AGAP2: variants seen among roughly 807,000 people sequenced by gnomAD.
The protein encoded by AGAP2 is arf-GAP with GTPase, ANK repeat and PH domain-containing protein 2.
AGAP2 carries 32 observed loss-of-function variants against 110.9 expected under a neutral mutation model. That is an observed-to-expected ratio of 0.29 (90% confidence interval 0.22 to 0.39). AGAP2 has a LOEUF of 0.39. AGAP2 is among the 10% of genes least tolerant of loss of function. The pLI is 1.00. For missense variants in AGAP2, 1,285 were observed against 1,638.5 expected (o/e 0.78, Z 3.72); for synonymous variants, 702 against 713.0 (o/e 0.98, Z 0.25).
intron 1 of AGAP2, among the ~76,000 whole-genome samples, chr12:57,736,351 G>A (rs568376170): frequency 6.6e-6 from 1 of 152,230 alleles, no homozygotes; most frequent in East Asian, 1.9e-4. Flanking sequence ...TACCTTCCCC[G>A]TACCGCCTCC....
chr12:57,725,154 A>G (rs1451016584), downstream of AGAP2: 1 of 152,916 alleles, frequency 6.5e-6, no homozygotes, highest in African/African-American at 2.4e-5. Context: ...GACCAAGGCC[A>G]TGCCCTGACC....
rs527263022 is a variant in AGAP2, at chr12:57,731,622, G to A, written c.1974C>T (p.Ser658=). 45 of 1,614,068 alleles carry A rather than the reference G, an allele frequency of 2.8e-5. No homozygotes were observed. The highest frequency in any genetic ancestry group is 2.7e-4 in the East Asian group (12 of 44,874). ...SLFANRRGSD[S]EKRSLDSRGE... ...CCCGACTATCCAAGCTTCGTTTCTC[G>A]GAGTCACTACCCCGACGATTCTGGA... The change falls in exon 9 of 19, where the codon TCC becomes TCT. Residue 658 remains serine (S), a synonymous_variant. Transcript: ENST00000547588.
At chr12:57,731,339 C>T in intron 10 of AGAP2, 27 bp downstream of exon 10, 1 of 1,577,654 alleles carries the variant, frequency 6.3e-7, no homozygotes, top group Non-Finnish European at 8.7e-7. Flanking sequence ...CAAAGCTGGC[C>T]AATGTGGCCC....
rs750932859 is a variant in AGAP2, at chr12:57,732,928, G to T, written c.1601C>A (p.Ala534Asp). 46 of 1,614,006 alleles carry T rather than the reference G, an allele frequency of 2.9e-5. No homozygotes were observed. The highest frequency in any genetic ancestry group is 3.7e-5 in the Non-Finnish European group (44 of 1,180,050). Reference sequence around the variant, plus strand: ...GCAGCGTTTCATGTCCGCGCACAGAGCTCTGGCACGAGCATCTCCCACCAC... The same window carrying T: ...GCAGCGTTTCATGTCCGCGCACAGATCTCTGGCACGAGCATCTCCCACCAC... ...PRVVGDARARALCADMKRCSY... is the reference protein window; with the variant it reads ...PRVVGDARARDLCADMKRCSY... The change falls in exon 6 of 19, where the codon GCT becomes GAT. Residue 534 changes from alanine to aspartate, a missense_variant. Transcript: ENST00000547588.
At chr12:57,742,055 T>G, upstream of AGAP2, 1 of 1,614,140 alleles carries the variant, frequency 6.2e-7, no homozygotes, top group Non-Finnish European at 8.5e-7. Context: ...TACAACGAAC[T>G]GCCTCTGGGC....
At position 57,734,119 on chromosome 12, in the gene AGAP2, T is replaced by C. The variant is rs1954935446; in HGVS notation, c.1456A>G (p.Ser486Gly). Residue 486 changes from serine to glycine, a missense_variant, in exon 5 of 19, where the codon AGT becomes GGT. Ser to Gly is a moderately conservative substitution (Grantham distance 56, BLOSUM62 0). This residue lies in a region of AGAP2 where 844 missense variants were observed against 941.2 expected (regional missense o/e 0.90). Transcript: ENST00000547588. ...TGGAGACGGCTCACAGCCTGGAAAC[T>C]GTTCTCATCCTCCAGGCTGAAGACG... ...IFVFSLEDEN[S>G]FQAVSRLHGQ... The C allele has an allele frequency of 7.4e-6, 12 of 1,613,626 alleles. No individual in the cohort carries two copies. Among genetic ancestry groups the C allele is most frequent in the East Asian group, 2.2e-5 (1 of 44,866 alleles).
rs1404913612 is a variant in AGAP2, at chr12:57,727,691, G to A, written c.2847C>T (p.Cys949=). The A allele has an allele frequency of 6.2e-7, 1 of 1,605,992 alleles. No homozygotes were observed. Among genetic ancestry groups the A allele is most frequent in the Non-Finnish European group, 8.5e-7 (1 of 1,176,308 alleles). Residue 949 remains cysteine (C), a synonymous_variant, in exon 16 of 19, where the codon TGC becomes TGT. Coordinates refer to ENST00000547588, the MANE Select transcript of AGAP2 (RefSeq NM_001122772.3). ...NAKGNSICVD[C]GAPNPTWASL... ...CCTCCTGGCACTCACTGGGGGCCCC[G>A]CAGTCCACGCAGATTGAATTCCCCT...
rs1267679552 is a variant in AGAP2 at position 57,732,698 on chromosome 12, CCTT to C, written c.1684+144_1684+146del. 1.0e-5 allele frequency: 15 copies of C among 1,452,288 alleles called. No homozygotes were observed. The African/African-American group carries it at 1.3e-4, about 12-fold the overall frequency. The allele number at this position is 1,452,288 out of a possible 1,614,324, so 90.0% of individuals were successfully genotyped here. On this transcript the variant is annotated intron_variant, in intron 6 of 18. Transcript: ENST00000547588. ...AAAGACCTTGCGACTATTAAGCAAA[CCTT>C]CTCTGGCCTCCCTGATCTCTCCTCC...
intron 15 of AGAP2, 66 bp from the exon 16 acceptor site, chr12:57,727,837 T>G (rs1780388692): frequency 1.3e-6 from 2 of 1,589,856 alleles, no homozygotes; most frequent in Non-Finnish European, 1.7e-6. Context: ...CAGACACCTC[T>G]GCTCTCCTCT....
intron 1 of AGAP2, among the ~76,000 whole-genome samples, chr12:57,736,499 CCT>C (rs1381766171): frequency 6.6e-6 from 1 of 152,164 alleles, no homozygotes; most frequent in Non-Finnish European, 1.5e-5. Context: ...CTATCCGCCC[CCT>C]CTCACTTCAC....
rs1182863887 is a variant in AGAP2, at chr12:57,725,716, C to G, written c.*836G>C. On this transcript the variant is annotated 3_prime_UTR_variant, in exon 19 of 19. Transcript: ENST00000547588. ...CCACCCCAACCCACCCCCTGCCCAC[C>G]CTGGGCTTCCCCTACCCCAAAACGC... 3.3e-5 allele frequency: 5 copies of G among 149,640 alleles called. No individual in the cohort carries two copies. The highest frequency in any genetic ancestry group is 3.3e-4 in the Admixed American group (5 of 15,040). The allele number at this position is 149,640 out of a possible 1,614,324, so 9.3% of individuals were successfully genotyped here.
intron 10 of AGAP2, 102 bp downstream of exon 10, chr12:57,731,264 G>A: frequency 9.9e-7 from 1 of 1,010,008 alleles, no homozygotes. Context: ...AAGAGGACTA[G>A]CACTTCCTAG....
chr12:57,727,260 C>G, intron 17 of AGAP2, 31 bp from the exon 18 acceptor site: 1 of 1,612,386 alleles, frequency 6.2e-7, no homozygotes, highest in Non-Finnish European at 8.5e-7. Flanking sequence ...GGAAAAGGCT[C>G]TAGGGACCCC....
Position 57,737,742 on chromosome 12 carries a change from G to A in AGAP2, c.505C>T (p.Pro169Ser), listed in dbSNP as rs1242845494. 1.3e-6 allele frequency: 2 copies of A among 1,541,602 alleles called. No individual in the cohort carries two copies. Among genetic ancestry groups the A allele is most frequent in the African/African-American group, 1.4e-5 (1 of 73,200 alleles). The part of the protein sequence containing the change: ...AGGGIPGSSS[P>S]HPGTGSRRLK... ...CTCCGGCTGCCGGTGCCAGGGTGCG[G>A]AGAGGATGAGCCAGGGATGCCGCCG... The change falls in exon 1 of 19, where the codon CCG becomes TCG. Residue 169 changes from proline (P) to serine (S), a missense_variant. Pro to Ser is a moderately conservative substitution (Grantham distance 74). Coordinates refer to ENST00000547588, the MANE Select transcript of AGAP2 (RefSeq NM_001122772.3). This position sits in a 1 kb window ranked among gnomAD's most constrained non-coding sequence, Gnocchi z 5.9.
upstream of AGAP2, chr12:57,742,140 CAA>C: frequency 6.4e-7 from 1 of 1,557,312 alleles, no homozygotes; most frequent in Non-Finnish European, 8.7e-7. Flanking sequence ...CTACAGCCCC[CAA>C]ACCTCAGAAG....
upstream of AGAP2, among the ~76,000 whole-genome samples, chr12:57,739,148 A>G (rs1955046148): frequency 6.6e-6 from 1 of 151,916 alleles, no homozygotes; most frequent in Admixed American, 6.6e-5. Context: ...TCGCGCACCA[A>G]GGTTAGGAAG....
At chr12:57,732,285 C>T in intron 7 of AGAP2, 118 bp downstream of exon 7, 2 of 970,560 alleles carry the variant, frequency 2.1e-6, no homozygotes, top group Non-Finnish European at 1.5e-6. Context: ...AGTTTCACTG[C>T]CATTTCCATC....
Position 57,732,502 on chromosome 12 carries a change from C to A in AGAP2, c.1695G>T (p.Lys565Asn). 6.3e-7 allele frequency: 1 copy of A among 1,585,134 alleles called. No individual in the cohort carries two copies. Among genetic ancestry groups the A allele is most frequent in the Non-Finnish European group, 8.6e-7 (1 of 1,164,644 alleles). The change falls in exon 7 of 19, where the codon AAG becomes AAT. Residue 565 changes from lysine (K) to asparagine (N), a missense_variant. By Grantham distance (94) the Lys-to-Asn change is moderately conservative. Around this residue, in one of 7 missense-constraint regions of AGAP2, gnomAD observed 844 missense variants for 941.2 expected, o/e 0.90. Transcript: ENST00000547588. ...GTTGCTGCTTGCGCAAGGTCACCAC[C>A]TTCTGGGCCACTGAGGGGAGTTGAC... ...VDRVFQEVAQKVVTLRKQQQL... is the reference protein window; with the variant it reads ...VDRVFQEVAQNVVTLRKQQQL...
chr12:57,732,790 T>A (rs1954910830), intron 6 of AGAP2, 55 bp downstream of exon 6: 1 of 1,606,806 alleles, frequency 6.2e-7, no homozygotes, highest in South Asian at 1.1e-5. Flanking sequence ...CCACTGAGAA[T>A]ATCCCAGGCC....
Sources: gnomAD v4.1 joint callset for allele counts (sites outside exome capture counted in the v4.1 genomes callset) on GRCh38, gnomAD v4.1.1 for gene constraint, gnomAD v4.1.1 regional missense constraint, Gnocchi (gnomAD v3.1) non-coding constraint, MANE v1.5 for transcripts, NCBI Gene and HGNC (gene_info 2026-07-23, HGNC 2026-07-21) for gene names.